The following SHISA9 variants were observed in gnomAD, a reference collection of about 807,000 sequenced individuals.
SHISA9 encodes the protein shisa family member 9.
In SHISA9, 13 loss-of-function variants were observed where a neutral mutation model predicts 38.0. The ratio of observed to expected loss-of-function variants is 0.34; its 90% CI spans 0.22 to 0.54. The LOEUF is 0.54. Among genes scored for constraint, SHISA9 ranks in the 20% least tolerant of loss-of-function variants. SHISA9 has a pLI of 0.91. For missense variants in SHISA9, 538 were observed against 575.8 expected (o/e 0.93, Z 0.67); for synonymous variants, 275 against 242.0 (o/e 1.14, Z -1.27).
At chr16:13,555,529 T>G in the SHISA9 span, among the ~76,000 whole-genome samples, 2 of 152,144 alleles carry the variant, frequency 1.3e-5, no homozygotes, top group African/African-American at 4.8e-5. Context: ...GCAATCGAAT[T>G]GGTTTAAAAA....
chr16:13,148,222 T>C (rs1224684175), intron 2 of SHISA9, among the ~76,000 whole-genome samples: 1 of 152,078 alleles, frequency 6.6e-6, no homozygotes, highest in African/African-American at 2.4e-5. Flanking sequence ...ATTTCCCACA[T>C]GTCCCCGCAC....
At chr16:12,908,543 G>A (rs1270251659) in intron 1 of SHISA9, 1 of 1,551,932 alleles carries the variant, frequency 6.4e-7, no homozygotes, top group Non-Finnish European at 8.7e-7. Context: ...ACCTGCCCCT[G>A]GAGAGTGGAG....
At chr16:13,210,576 T>C (rs1258179544) in intron 3 of SHISA9, among the ~76,000 whole-genome samples, 2 of 152,222 alleles carry the variant, frequency 1.3e-5, no homozygotes, top group Non-Finnish European at 2.9e-5. Flanking sequence ...GAATTCCCTC[T>C]TTACTCTTGG....
Position 12,987,284 on chromosome 16 carries a change from C to A in SHISA9, c.691+70469C>A, listed in dbSNP as rs545805830. 4.6e-5 allele frequency among the ~76,000 whole-genome samples: 7 copies of A among 152,276 alleles called. No individual in the cohort carries two copies. The East Asian group carries it at 1.3e-3, about 29-fold the overall frequency. On this transcript the variant is annotated intron_variant, in intron 2 of 4. Transcript: ENST00000558583. ...TATATTTGGAGTAACTTCAAAAAAG[C>A]AATTAGTAATTGCCATTCTGACAGG...
chr16:13,294,118 C>T, the SHISA9 span, among the ~76,000 whole-genome samples: 16 of 152,326 alleles, frequency 1.1e-4, no homozygotes, highest in African/African-American at 3.6e-4. Flanking sequence ...ATCCTAGAAA[C>T]ATATGCAATA....
At chr16:12,953,238 A>G (rs560054507) in intron 2 of SHISA9, among the ~76,000 whole-genome samples, 1 of 152,186 alleles carries the variant, frequency 6.6e-6, no homozygotes, top group East Asian at 1.9e-4. Context: ...AACAACAACA[A>G]CAAAAAACAG....
At chr16:13,213,338 T>C in intron 4 of SHISA9, 38 bp downstream of exon 4, 1 of 1,540,794 alleles carries the variant, frequency 6.5e-7, no homozygotes, top group Non-Finnish European at 8.8e-7. Flanking sequence ...TGTCCAGGTG[T>C]TGTCAAAGTT....
intron 2 of SHISA9, among the ~76,000 whole-genome samples, chr16:12,970,497 ATTTTTTTTTTTTTTTT>A (rs146879130): frequency 2.3e-4 from 4 of 17,582 alleles, no homozygotes; most frequent in African/African-American, 9.8e-4. Context: ...ATATATATAT[ATTTTTTTTTTTTTTTT>A]TTTTTTTTTT....
At chr16:13,067,627 C>G (rs928177929) in intron 2 of SHISA9, among the ~76,000 whole-genome samples, 1 of 152,210 alleles carries the variant, frequency 6.6e-6, no homozygotes, top group African/African-American at 2.4e-5. Flanking sequence ...GCCTGGGTGA[C>G]AGAATGAGAC....
chr16:12,995,681 A>G (rs950873936), intron 2 of SHISA9, among the ~76,000 whole-genome samples: 3 of 152,224 alleles, frequency 2.0e-5, no homozygotes, highest in African/African-American at 7.2e-5. Flanking sequence ...GTAATCCTAC[A>G]ACAGAAAGAT....
the SHISA9 span, among the ~76,000 whole-genome samples, chr16:13,446,027 C>T: frequency 6.6e-6 from 1 of 152,110 alleles, no homozygotes; most frequent in African/African-American, 2.4e-5. Context: ...ACCGCAGCCT[C>T]CGACTCCCTG....
At chr16:13,204,210 GTCTA>G (rs199860829) in intron 3 of SHISA9, among the ~76,000 whole-genome samples, 30,422 of 140,814 alleles carry the variant, frequency 0.22, 3,799 homozygotes, top group Non-Finnish European at 0.29. Context: ...CTGTCTGTCT[GTCTA>G]TCTATCTATC....
intron 2 of SHISA9, among the ~76,000 whole-genome samples, chr16:13,011,838 G>A (rs183568323): frequency 0.013 from 1,806 of 137,460 alleles, 9 homozygotes; most frequent in South Asian, 0.026. Context: ...TTTTTTTTTT[G>A]TTTTTGAGAC....
chr16:12,972,977 G>T (rs534216870), intron 2 of SHISA9, among the ~76,000 whole-genome samples: 14 of 152,226 alleles, frequency 9.2e-5, no homozygotes, highest in African/African-American at 3.4e-4. Context: ...TTAGCCAGGC[G>T]TGGTGGTGGG....
chr16:13,405,406 A>G, the SHISA9 span, among the ~76,000 whole-genome samples: 1 of 152,224 alleles, frequency 6.6e-6, no homozygotes, highest in Admixed American at 6.5e-5. Flanking sequence ...TGCTCCCTGG[A>G]AATCAGCCGC....
chr16:12,999,210 A>G (rs2072494845), intron 2 of SHISA9, among the ~76,000 whole-genome samples: 1 of 152,138 alleles, frequency 6.6e-6, no homozygotes, highest in African/African-American at 2.4e-5. Context: ...GCAGCACTAC[A>G]CGTGGGGGCT....
the SHISA9 span, among the ~76,000 whole-genome samples, chr16:13,463,002 A>G: frequency 6.6e-6 from 1 of 152,042 alleles, no homozygotes; most frequent in Non-Finnish European, 1.5e-5. Flanking sequence ...AAAAATACAA[A>G]AAAGTTAGCT....
chr16:13,552,111 C>T, the SHISA9 span, among the ~76,000 whole-genome samples: 1 of 152,064 alleles, frequency 6.6e-6, no homozygotes, highest in East Asian at 1.9e-4. Context: ...AATAGAAAAT[C>T]AGTTGTAGTG....
the SHISA9 span, among the ~76,000 whole-genome samples, chr16:13,446,063 C>T: frequency 6.6e-6 from 1 of 152,158 alleles, no homozygotes; most frequent in Non-Finnish European, 1.5e-5. Flanking sequence ...CTGCCTCAGC[C>T]TCCCAAGTAG....
Sources: allele counts gnomAD v4.1 joint callset (sites outside exome capture counted in the v4.1 genomes callset), GRCh38; gene constraint gnomAD v4.1.1; transcripts MANE v1.5; gene names NCBI Gene and HGNC (gene_info 2026-07-23, HGNC 2026-07-21).